Variants in USP6NL observed in about 807,000 individuals in gnomAD.
USP6NL encodes USP6 N-terminal-like protein.
USP6NL carries 26 observed loss-of-function variants against 61.9 expected under a neutral mutation model. That is an observed-to-expected ratio of 0.42 (90% CI 0.31 to 0.58). USP6NL has a LOEUF of 0.58. Ranked by LOEUF, USP6NL falls within the 20% of genes least tolerant of loss-of-function variation. The probability of loss-of-function intolerance (pLI) is 0.16; values close to 1 mark genes in which losing one functional copy is unlikely to be tolerated. For synonymous variants in USP6NL, 432 were observed against 390.1 expected (o/e 1.11, Z -1.27); for missense variants, 1,114 against 1,034.3 (o/e 1.08, Z -1.06).
chr10:11,580,644 C>G (rs2133603506), intron 2 of USP6NL, among the ~76,000 whole-genome samples: 2 of 152,300 alleles, frequency 1.3e-5, no homozygotes, highest in East Asian at 1.9e-4. Context: ...GGGACTGTGA[C>G]TTCATTGTCC....
In USP6NL at chr10:11,598,120, G is replaced by A. The variant is rs1268154086; in HGVS notation, c.-83-403C>T. Among the ~76,000 whole-genome samples the A allele has an allele frequency of 1.3e-5, 2 of 152,128 alleles. No homozygotes were observed. Among genetic ancestry groups the A allele is most frequent in the African/African-American group, 2.4e-5 (1 of 41,424 alleles). The stretch of plus-strand genomic sequence containing the variant: ...TTTTGACTGCACATAAATGATTAAT[G>A]TAAGACTTCAAATAAGGATCAGCAA... On this transcript the variant is annotated intron_variant, in intron 1 of 14. Coordinates refer to ENST00000609104, the MANE Select transcript of USP6NL (RefSeq NM_014688.5). The surrounding 1 kb of genome is among the most constrained non-coding windows in gnomAD (Gnocchi z 4.7).
At chr10:11,586,006 GT>G (rs1837948046) in intron 2 of USP6NL, among the ~76,000 whole-genome samples, 1 of 152,164 alleles carries the variant, frequency 6.6e-6, no homozygotes, top group Non-Finnish European at 1.5e-5. Context: ...AGAGATTAAG[GT>G]TGCACAACAA....
intron 2 of USP6NL, among the ~76,000 whole-genome samples, chr10:11,530,828 A>G (rs765876450): frequency 1.1e-4 from 17 of 152,366 alleles, no homozygotes; most frequent in Middle Eastern, 3.4e-3. Context: ...AGGGTTTGCT[A>G]TAGTTAAATT....
At chr10:11,564,359 G>A (rs948614743) in intron 2 of USP6NL, 8 of 152,046 alleles carry the variant, frequency 5.3e-5, no homozygotes, top group African/African-American at 1.9e-4. Flanking sequence ...GAAGATTACT[G>A]GGCAGTCTGT....
Position 11,490,148 on chromosome 10 carries a change from C to T in USP6NL, c.543+684G>A, listed in dbSNP as rs1197017175. 6.6e-6 allele frequency among the ~76,000 whole-genome samples: 1 copy of T among 152,176 alleles called. No individual in the cohort carries two copies. Among genetic ancestry groups the T allele is most frequent in the Non-Finnish European group, 1.5e-5 (1 of 68,020 alleles). On this transcript the variant is annotated intron_variant, in intron 9 of 14. Transcript: ENST00000609104. The surrounding 1 kb of genome is among the most constrained non-coding windows in gnomAD (Gnocchi z 4.5). ...TTTAAAAACCCCTTTTTAACTTTTC[C>T]TAGTTTGAGCGAATTTCTGTTCTTA... is the stretch of plus-strand genomic sequence containing the variant.
intron 1 of USP6NL, among the ~76,000 whole-genome samples, chr10:11,599,132 A>G (rs1403171641): frequency 1.3e-5 from 2 of 152,206 alleles, no homozygotes; most frequent in Non-Finnish European, 2.9e-5. Flanking sequence ...TTAACTGACT[A>G]TTTAGATTTG....
At chr10:11,466,152 C>T (rs554220986) in intron 14 of USP6NL, among the ~76,000 whole-genome samples, 56 of 152,248 alleles carry the variant, frequency 3.7e-4, no homozygotes, top group African/African-American at 1.3e-3. Context: ...AACATGGGTT[C>T]GGCTTCCAAA....
In USP6NL at chr10:11,462,753, T is replaced by C. The variant is rs12570211; in HGVS notation, c.2175A>G (p.Pro725=). 108,381 of 1,613,966 alleles carry C rather than the reference T, an allele frequency of 0.067. 5,179 individuals are homozygous for C. The highest frequency in any genetic ancestry group is 0.2 in the South Asian group (18,027 of 91,082). The part of the protein sequence containing the change: ...GSPKNGKLII[P]PVDYLPDNRT... ...TGTTATCTGGCAAGTAATCCACTGG[T>C]GGAATGATCAATTTTCCATTCTTTG... Residue 725 remains proline, a synonymous_variant, in exon 15 of 15, where the codon CCA becomes CCG. Coordinates refer to ENST00000609104, the MANE Select transcript of USP6NL (RefSeq NM_014688.5).
At chr10:11,582,562 ATG>A (rs1837815581) in intron 2 of USP6NL, among the ~76,000 whole-genome samples, 1 of 152,200 alleles carries the variant, frequency 6.6e-6, no homozygotes, top group Non-Finnish European at 1.5e-5. Context: ...GCCACAGAAT[ATG>A]TGTTTATGGA....
chr10:11,606,394 A>T (rs573633343), intron 1 of USP6NL, among the ~76,000 whole-genome samples: 1 of 152,368 alleles, frequency 6.6e-6, no homozygotes, highest in Admixed American at 6.5e-5. Flanking sequence ...ATGGAAGGTC[A>T]GGTAATGTAA....
chr10:11,482,888 A>C lies in USP6NL; in HGVS notation c.926-966T>G, dbSNP rs1833261457. Among the ~76,000 whole-genome samples, 1 of 152,242 alleles carries C rather than the reference A, an allele frequency of 6.6e-6. No individual in the cohort carries two copies. The highest frequency in any genetic ancestry group is 2.4e-5 in the African/African-American group (1 of 41,450). ...TTAATTGGCTAATGACAAATTGTAT[A>C]TATCTGTGGTAGACAATGTTTTGAT... On this transcript the variant is annotated intron_variant, in intron 13 of 14. Coordinates refer to ENST00000609104, the MANE Select transcript of USP6NL (RefSeq NM_014688.5). The surrounding 1 kb of genome is among the most constrained non-coding windows in gnomAD (Gnocchi z 4.0).
rs534524573 is a variant in USP6NL, at chr10:11,544,536, G to A, written c.5-16969C>T. On this transcript the variant is annotated intron_variant, in intron 2 of 14. Transcript: ENST00000609104. ...GAATTTCGCTCTTGTCGCACAGGCT[G>A]GAGTGCAGTTGCACGATCTCGGCTC... Among the ~76,000 whole-genome samples, 17 of 151,856 alleles carry A rather than the reference G, an allele frequency of 1.1e-4. No individual in the cohort carries two copies. In the South Asian group the frequency reaches 3.5e-3, roughly 32 times the overall value.
At position 11,491,404 on chromosome 10, in the gene USP6NL, T is replaced by C. The variant is rs1414495380; in HGVS notation, c.495-524A>G. Among the ~76,000 whole-genome samples, 1 of 152,198 alleles carries C rather than the reference T, an allele frequency of 6.6e-6. No individual in the cohort carries two copies. Among genetic ancestry groups the C allele is most frequent in the Non-Finnish European group, 1.5e-5 (1 of 68,022 alleles). ...CTCATCATTCTCTCTAGAGATCCAC[T>C]AGCAAAGCGTTTGCTTCTTGGCCCT... On this transcript the variant is annotated intron_variant, in intron 8 of 14. Coordinates refer to ENST00000609104, the MANE Select transcript of USP6NL (RefSeq NM_014688.5). The surrounding 1 kb of genome is among the most constrained non-coding windows in gnomAD (Gnocchi z 4.7).
intron 6 of USP6NL, 67 bp from the exon 7 acceptor site, chr10:11,501,275 A>G: frequency 8.1e-7 from 1 of 1,228,202 alleles, no homozygotes; most frequent in East Asian, 2.5e-5. Flanking sequence ...TCTACAGTTA[A>G]TCTTGCTAAT....
In USP6NL at chr10:11,461,307, A is replaced by AT. The variant is rs1264959193; in HGVS notation, c.*1133dup. ...GTTCAAAAGCATGAAATCACACTGTATTTTTTAAAAGATCAAAATCCTAGA... is the reference window on the plus strand; with the variant it reads ...GTTCAAAAGCATGAAATCACACTGTATTTTTTTAAAAGATCAAAATCCTAGA... On this transcript the variant is annotated 3_prime_UTR_variant, in exon 15 of 15. Transcript: ENST00000609104. The AT allele has an allele frequency of 3.9e-5, 6 of 152,242 alleles. No homozygotes were observed. The highest frequency in any genetic ancestry group is 2.1e-4 in the South Asian group (1 of 4,830). The allele number at this position is 152,242 out of a possible 1,614,324, so 9.4% of individuals were successfully genotyped here.
At chr10:11,526,187 T>A (rs1228448218) in intron 3 of USP6NL, among the ~76,000 whole-genome samples, 1 of 151,934 alleles carries the variant, frequency 6.6e-6, no homozygotes, top group East Asian at 1.9e-4. Context: ...CTTCTTAATC[T>A]AGGTATCATT....
intron 2 of USP6NL, among the ~76,000 whole-genome samples, chr10:11,571,869 CAAAAA>C (rs749166148): frequency 7.5e-6 from 1 of 132,906 alleles, no homozygotes; most frequent in African/African-American, 2.7e-5. Context: ...CTGTTTTTCA[CAAAAA>C]AAAAAACTGT....
intron 2 of USP6NL, among the ~76,000 whole-genome samples, chr10:11,588,743 A>G (rs1838061335): frequency 6.6e-6 from 1 of 151,816 alleles, no homozygotes; most frequent in Non-Finnish European, 1.5e-5. Flanking sequence ...AACAACTTTT[A>G]TATCACATTG....
At chr10:11,512,780 C>A (rs920397792) in intron 5 of USP6NL, among the ~76,000 whole-genome samples, 2 of 152,208 alleles carry the variant, frequency 1.3e-5, no homozygotes, top group Admixed American at 6.5e-5. Flanking sequence ...AAATGTCCAA[C>A]GCCTGGAACC....
Sources: gnomAD v4.1 joint callset for allele counts (sites outside exome capture counted in the v4.1 genomes callset) on GRCh38, gnomAD v4.1.1 for gene constraint, Gnocchi (gnomAD v3.1) non-coding constraint, MANE v1.5 for transcripts, NCBI Gene and HGNC (gene_info 2026-07-23, HGNC 2026-07-21) for gene names.